MERTK: variants seen among roughly 807,000 people sequenced by gnomAD.
MERTK encodes MER proto-oncogene, tyrosine kinase.
Under a neutral mutation model 99.3 loss-of-function variants are expected in MERTK, and 69 were observed. The observed-to-expected ratio is 0.70, with a 90% confidence interval of 0.57 to 0.85. MERTK has a LOEUF of 0.85. Ranked by LOEUF, MERTK falls within the 40% of genes least tolerant of loss-of-function variation. The pLI, the probability that MERTK is intolerant of heterozygous loss-of-function variation, is 0.00. For missense variants in MERTK, 1,125 were observed against 1,249.4 expected (o/e 0.90, Z 1.50); for synonymous variants, 426 against 467.6 (o/e 0.91, Z 1.15).
intron 15 of MERTK, among the ~76,000 whole-genome samples, chr2:112,013,004 T>C (rs892250405): frequency 6.6e-6 from 1 of 152,166 alleles, no homozygotes; most frequent in Admixed American, 6.5e-5. Flanking sequence ...CTGTGTGTGA[T>C]GGAGGGGAGG....
intron 4 of MERTK, chr2:111,952,726 C>A (rs1440380530): frequency 6.6e-6 from 1 of 152,156 alleles, no homozygotes; most frequent in Non-Finnish European, 1.5e-5. Flanking sequence ...GCTACCAAAG[C>A]GAGCACCACC....
chr2:112,002,590 T>C (rs1676890973), intron 11 of MERTK, among the ~76,000 whole-genome samples: 1 of 152,238 alleles, frequency 6.6e-6, no homozygotes, highest in Non-Finnish European at 1.5e-5. Context: ...GAATTAACCT[T>C]GCCCTGAAGG....
At chr2:111,917,813 A>C (rs1353156949) in intron 1 of MERTK, among the ~76,000 whole-genome samples, 7 of 151,156 alleles carry the variant, frequency 4.6e-5, no homozygotes, top group Non-Finnish European at 1.0e-4. Flanking sequence ...TAAACCTGGG[A>C]GGTGGAGGTT....
chr2:111,971,234 C>A (rs4434006), intron 6 of MERTK, among the ~76,000 whole-genome samples: 1 of 151,882 alleles, frequency 6.6e-6, no homozygotes, highest in African/African-American at 2.4e-5. Context: ...AGCTAAAAAT[C>A]TGTCAATCTT....
At chr2:111,938,264 G>GTT (rs34969300) in intron 2 of MERTK, among the ~76,000 whole-genome samples, 6 of 151,306 alleles carry the variant, frequency 4.0e-5, no homozygotes, top group East Asian at 1.9e-4. Context: ...TTTGTTGTTT[G>GTT]TTTTTTTGTA....
At chr2:112,003,317 TTTA>T in intron 12 of MERTK, 130 bp downstream of exon 12, 1 of 581,680 alleles carries the variant, frequency 1.7e-6, no homozygotes, top group Middle Eastern at 4.8e-4. Context: ...ATAGTTATAT[TTTA>T]TTATTTAAAA....
chr2:112,021,259 C>A, intron 16 of MERTK, 163 bp from the exon 17 acceptor site: 1 of 448,668 alleles, frequency 2.2e-6, no homozygotes, highest in Non-Finnish European at 2.9e-6. Flanking sequence ...TGTTGGTCCT[C>A]ACTTGCTCTG....
Position 112,028,583 on chromosome 2 carries a change from A to G in MERTK, c.2719A>G (p.Thr907Ala), listed in dbSNP as rs1677517801. 5 of 1,613,924 alleles carry G rather than the reference A, an allele frequency of 3.1e-6. No individual in the cohort carries two copies. The South Asian group carries it at 3.3e-5, about 11-fold the overall frequency. Residue 907 changes from threonine to alanine, a missense_variant, in exon 19 of 19, where the codon ACT (threonine) becomes GCT (alanine). Physicochemically the swap from Thr to Ala is moderately conservative, Grantham distance 58 (BLOSUM62 0). Transcript: ENST00000295408. ...IDPDSIIASCTPRAAISVVTA... is the reference protein window; with the variant it reads ...IDPDSIIASCAPRAAISVVTA... ...CCCTGACTCTATAATTGCCTCCTGC[A>G]CTCCCCGCGCTGCCATCAGTGTGGT...
At position 111,920,543 on chromosome 2, in the gene MERTK, G is replaced by A. The variant is rs1684435853; in HGVS notation, c.62-8577G>A. Among the ~76,000 whole-genome samples, 4 of 149,120 alleles carry A rather than the reference G, an allele frequency of 2.7e-5. No homozygotes were observed. In the Admixed American group the frequency reaches 2.7e-4, roughly 10 times the overall value. ...TTAGGACTGATCCATCAGGTCAAGT[G>A]AGTTCTGATTGAAGGTTGTTTTTTT... On this transcript the variant is annotated intron_variant, in intron 1 of 18. Transcript: ENST00000295408.
intron 18 of MERTK, among the ~76,000 whole-genome samples, chr2:112,027,835 A>T (rs1573653371): frequency 6.6e-6 from 1 of 152,348 alleles, no homozygotes; most frequent in Non-Finnish European, 1.5e-5. Context: ...TGTCCTGGTA[A>T]CAACTCAGTT....
At chr2:111,968,992 A>AC (rs932376451) in intron 6 of MERTK, among the ~76,000 whole-genome samples, 4 of 152,146 alleles carry the variant, frequency 2.6e-5, no homozygotes, top group African/African-American at 9.7e-5. Flanking sequence ...GTAGCACCTT[A>AC]CCCAGTGTCA....
At chr2:111,905,433 CTTTTTT>C (rs61232340) in intron 1 of MERTK, among the ~76,000 whole-genome samples, 6 of 85,266 alleles carry the variant, frequency 7.0e-5, no homozygotes, top group Admixed American at 3.6e-4. Flanking sequence ...CTACACTGTT[CTTTTTT>C]TTTTTTTTTT....
chr2:111,965,531 A>G (rs1685343918), intron 5 of MERTK, among the ~76,000 whole-genome samples: 1 of 152,264 alleles, frequency 6.6e-6, no homozygotes, highest in African/African-American at 2.4e-5. Context: ...CCTGGCATAT[A>G]GGTCTTTGAT....
intron 15 of MERTK, 100 bp from the exon 16 acceptor site, chr2:112,019,313 C>T (rs367699829): frequency 4.9e-5 from 41 of 845,214 alleles, no homozygotes; most frequent in Admixed American, 2.4e-4. Context: ...CATCACTACA[C>T]TGTAATAAAT....
At chr2:111,901,016 C>T (rs1054085984) in intron 1 of MERTK, among the ~76,000 whole-genome samples, 1 of 152,058 alleles carries the variant, frequency 6.6e-6, no homozygotes, top group Non-Finnish European at 1.5e-5. Flanking sequence ...CACTTTAACC[C>T]AGGAAATCCC....
At chr2:112,001,125 A>G in intron 10 of MERTK, 76 bp from the exon 11 acceptor site, 1 of 1,109,232 alleles carries the variant, frequency 9.0e-7, no homozygotes, top group Middle Eastern at 2.0e-4. Flanking sequence ...GAAGCTCTGT[A>G]GCATCCTTGT....
chr2:112,028,996 T>C lies in MERTK; in HGVS notation c.*132T>C. Reference sequence around the variant, plus strand: ...CCATGGCCCCAAAGCACCAGATGAATGTTGTTAAGTAAGCTGTCATTAAAA... The same window carrying C: ...CCATGGCCCCAAAGCACCAGATGAACGTTGTTAAGTAAGCTGTCATTAAAA... On this transcript the variant is annotated 3_prime_UTR_variant, in exon 19 of 19. Transcript: ENST00000295408. The C allele has an allele frequency of 1.3e-6, 2 of 1,558,224 alleles. No homozygotes were observed. Among genetic ancestry groups the C allele is most frequent in the Non-Finnish European group, 1.7e-6 (2 of 1,151,142 alleles).
chr2:111,905,843 C>G (rs145446374), intron 1 of MERTK, among the ~76,000 whole-genome samples: 82 of 152,258 alleles, frequency 5.4e-4, no homozygotes, highest in African/African-American at 1.9e-3. Flanking sequence ...GTGCTTCTTT[C>G]ACTCAATGGT....
chr2:111,935,347 C>T (rs868254282), intron 2 of MERTK, among the ~76,000 whole-genome samples: 14 of 152,226 alleles, frequency 9.2e-5, no homozygotes, highest in South Asian at 2.1e-4. Context: ...ACGTCAGGTG[C>T]GGCAGCGCTA....
Sources: gnomAD v4.1 joint callset for allele counts (sites outside exome capture counted in the v4.1 genomes callset) on GRCh38, gnomAD v4.1.1 for gene constraint, MANE v1.5 for transcripts, NCBI Gene and HGNC (gene_info 2026-07-23, HGNC 2026-07-21) for gene names.